EML1: variants seen among roughly 807,000 people sequenced by gnomAD.
EML1 encodes echinoderm microtubule-associated protein-like 1.
In EML1, 27 loss-of-function variants were observed where a neutral mutation model predicts 110.4. The observed-to-expected ratio is 0.24, with a 90% CI of 0.18 to 0.34. EML1 has a LOEUF of 0.34. Among genes scored for constraint, EML1 ranks in the 10% least tolerant of loss-of-function variants. EML1 has a pLI of 1.00. For synonymous variants in EML1, 344 were observed against 385.8 expected, an observed-to-expected ratio of 0.89 and a Z score of 1.27; for missense variants, 741 against 1,030.9, an observed-to-expected ratio of 0.72 and a Z score of 3.85.
At chr14:99,830,290 T>C (rs146443239) in intron 1 of EML1, among the ~76,000 whole-genome samples, 2 of 152,204 alleles carry the variant, frequency 1.3e-5, no homozygotes, top group Non-Finnish European at 2.9e-5. Flanking sequence ...TTTGTATATC[T>C]TCTTAGAGAA....
upstream of EML1, among the ~76,000 whole-genome samples, chr14:99,790,821 TC>T (rs367716561): frequency 4.4e-4 from 66 of 150,768 alleles, no homozygotes; most frequent in South Asian, 7.9e-3. Flanking sequence ...CTTTGGCCCC[TC>T]CCCCCATTTC....
chr14:99,796,233 GATA>G (rs1388146405), intron 1 of EML1, among the ~76,000 whole-genome samples: 2 of 107,532 alleles, frequency 1.9e-5, no homozygotes, highest in Non-Finnish European at 2.2e-5. Flanking sequence ...AGAGAGAGAA[GATA>G]ATGTGTAAAT....
rs559264538 is a variant in EML1 at position 99,751,514 on chromosome 14, G to A, written c.28+13654G>A. On this transcript the variant is annotated intron_variant, in intron 1 of 10. Coordinates refer to the EML1 transcript ENST00000554479. ...GCAGGGGAGGTGTCATGCAGAAAAC[G>A]GACAAGATAAATACAAAGCCCATAG... 3.3e-5 allele frequency among the ~76,000 whole-genome samples: 5 copies of A among 152,204 alleles called. No homozygotes were observed. The East Asian group carries it at 5.8e-4, about 18-fold the overall frequency.
At chr14:99,932,935 G>C (rs2060399043) in intron 17 of EML1, among the ~76,000 whole-genome samples, 1 of 152,082 alleles carries the variant, frequency 6.6e-6, no homozygotes, top group Non-Finnish European at 1.5e-5. Context: ...GGGCAACATA[G>C]TGAGACCCCC....
intron 3 of EML1, among the ~76,000 whole-genome samples, chr14:99,876,611 G>A (rs1315772386): frequency 1.3e-5 from 2 of 152,046 alleles, no homozygotes; most frequent in African/African-American, 2.4e-5. Flanking sequence ...CTCAGCACCC[G>A]CCAGATGGAT....
chr14:99,755,037 G>A (rs1005024164), intron 1 of EML1, among the ~76,000 whole-genome samples: 4 of 152,258 alleles, frequency 2.6e-5, no homozygotes, highest in South Asian at 2.1e-4. Context: ...CATCCTACAC[G>A]GGGCAGGGAA....
intron 4 of EML1, among the ~76,000 whole-genome samples, chr14:99,883,911 C>A (rs1230514393): frequency 3.9e-5 from 6 of 152,240 alleles, no homozygotes; most frequent in Non-Finnish European, 8.8e-5. Context: ...AGGTGCTCAA[C>A]AAGCATTAGT....
At chr14:99,746,299 C>A (rs2057107327) in intron 1 of EML1, among the ~76,000 whole-genome samples, 1 of 152,176 alleles carries the variant, frequency 6.6e-6, no homozygotes, top group Non-Finnish European at 1.5e-5. Flanking sequence ...AAGAAGGGAG[C>A]TGGGTGTGGC....
intron 9 of EML1, among the ~76,000 whole-genome samples, chr14:99,901,953 A>G (rs1295568182): frequency 6.6e-6 from 1 of 152,138 alleles, no homozygotes; most frequent in African/African-American, 2.4e-5. Context: ...TTATAAGAGA[A>G]TCCTTAATCC....
At position 99,896,917 on chromosome 14, in the gene EML1, A is replaced by C. The variant is rs13379198; in HGVS notation, c.678-228A>C. Among the ~76,000 whole-genome samples the C allele has an allele frequency of 0.56, 84,728 of 151,976 alleles. 24,070 individuals are homozygous for C. The highest frequency in any genetic ancestry group is 0.67 in the African/African-American group (27,759 of 41,396). On this transcript the variant is annotated intron_variant, in intron 6 of 21. Coordinates refer to ENST00000262233, the MANE Select transcript of EML1 (RefSeq NM_004434.3). ...AGCTTTCTAAAAATAAAACCAAATC[A>C]TTGTGAAAATATGTATTCACATTAC...
chr14:99,895,202 A>G (rs942178760), intron 6 of EML1, among the ~76,000 whole-genome samples: 1 of 152,110 alleles, frequency 6.6e-6, no homozygotes, highest in Non-Finnish European at 1.5e-5. Flanking sequence ...AGTGAAAATA[A>G]TCAAGAATGG....
intron 15 of EML1, among the ~76,000 whole-genome samples, chr14:99,915,931 G>T (rs537565240): frequency 2.9e-4 from 44 of 152,322 alleles, no homozygotes; most frequent in Non-Finnish European, 5.7e-4. Context: ...TTTCACGGAA[G>T]GGGTGCTGGT....
intron 1 of EML1, among the ~76,000 whole-genome samples, chr14:99,765,805 A>G (rs1024395116): frequency 3.3e-5 from 5 of 152,016 alleles, no homozygotes; most frequent in African/African-American, 9.6e-5. Flanking sequence ...TGGTTTCCAC[A>G]TGTTTATCAG....
chr14:99,751,334 AG>A, intron 1 of EML1, among the ~76,000 whole-genome samples: 1 of 152,188 alleles, frequency 6.6e-6, no homozygotes, highest in South Asian at 2.1e-4. Context: ...GGAGGTAACA[AG>A]GGGCCACTGC....
chr14:99,872,295 A>G (rs2059219066), intron 3 of EML1, among the ~76,000 whole-genome samples: 1 of 152,186 alleles, frequency 6.6e-6, no homozygotes, highest in Admixed American at 6.5e-5. Flanking sequence ...ATCTTAGGGA[A>G]GAAGGGAGGG....
chr14:99,898,098 A>C (rs2059701319), intron 7 of EML1, 135 bp from the exon 8 acceptor site: 2 of 580,918 alleles, frequency 3.4e-6, no homozygotes, highest in Non-Finnish European at 5.6e-6. Context: ...TGCTCAGAGA[A>C]TTTGTCATGA....
At chr14:99,837,475 T>G (rs2058558461) in intron 1 of EML1, among the ~76,000 whole-genome samples, 2 of 152,246 alleles carry the variant, frequency 1.3e-5, no homozygotes, top group Admixed American at 1.3e-4. Flanking sequence ...GATGGCACTT[T>G]TTAAAAAGTA....
At chr14:99,921,087 C>T (rs1286424725) in intron 17 of EML1, among the ~76,000 whole-genome samples, 1 of 151,792 alleles carries the variant, frequency 6.6e-6, no homozygotes, top group Non-Finnish European at 1.5e-5. Flanking sequence ...CCCCCTCCAA[C>T]AGGCCCCAGT....
intron 1 of EML1, among the ~76,000 whole-genome samples, chr14:99,752,310 C>A (rs1017148545): frequency 1.4e-4 from 21 of 152,192 alleles, no homozygotes; most frequent in African/African-American, 4.8e-4. Context: ...TGACACACAC[C>A]CACAGTCCTA....
Sources: gnomAD v4.1 joint callset for allele counts (sites outside exome capture counted in the v4.1 genomes callset) on GRCh38, gnomAD v4.1.1 for gene constraint, MANE v1.5 for transcripts, NCBI Gene and HGNC (gene_info 2026-07-23, HGNC 2026-07-21) for gene names.